RYR2: variants seen among roughly 807,000 people sequenced by gnomAD.
RYR2 encodes ryanodine receptor 2.
RYR2 carries 227 observed loss-of-function variants against 601.1 expected under a neutral mutation model. The observed-to-expected ratio is 0.38, with a 90% confidence interval of 0.34 to 0.42. The LOEUF is 0.42. RYR2 is among the 10% of genes least tolerant of loss of function. RYR2 has a pLI of 1.00. For synonymous variants in RYR2, 2,223 were observed against 2,175.1 expected, an observed-to-expected ratio of 1.02 and a Z score of -0.61; for missense variants, 4,646 against 6,156.5, an observed-to-expected ratio of 0.75 and a Z score of 8.21.
intron 3 of RYR2, among the ~76,000 whole-genome samples, chr1:237,355,253 T>G (rs1462730911): frequency 6.6e-6 from 1 of 152,130 alleles, no homozygotes; most frequent in East Asian, 1.9e-4. Flanking sequence ...TCTCTCAATG[T>G]TGAAATTTTT....
chr1:237,625,763 A>G lies in RYR2; in HGVS notation c.6125A>G (p.Lys2042Arg). ...LVEKVTYLKK[K>R]QAEKPVESDS... The stretch of plus-strand genomic sequence containing the variant: ...GAAAAGGTGACATATCTGAAGAAGA[A>G]GCAAGCAGAAAAACCAGTTGAGAGT... The change falls in exon 40 of 105, where the codon AAG becomes AGG. Residue 2042 changes from lysine (K) to arginine (R), a missense_variant. By Grantham distance (26) the Lys-to-Arg change is conservative. Around this residue, in one of 17 missense-constraint regions of RYR2, gnomAD observed 170 missense variants for 184.5 expected, o/e 0.92. Transcript: ENST00000366574. The G allele has an allele frequency of 1.2e-6, 2 of 1,613,844 alleles. No individual in the cohort carries two copies. The highest frequency in any genetic ancestry group is 1.7e-6 in the Non-Finnish European group (2 of 1,179,842).
chr1:237,655,590 A>C (rs1277745206), intron 52 of RYR2, among the ~76,000 whole-genome samples: 1 of 152,192 alleles, frequency 6.6e-6, no homozygotes, highest in Non-Finnish European at 1.5e-5. Context: ...TGGAGAGTCA[A>C]AGATTTTATT....
chr1:237,754,986 G>A (rs1692824961), intron 80 of RYR2: 3 of 881,958 alleles, frequency 3.4e-6, no homozygotes, highest in Non-Finnish European at 4.6e-6. Flanking sequence ...CATAATTTAA[G>A]AAAACATAAA....
intron 1 of RYR2, among the ~76,000 whole-genome samples, chr1:237,269,820 T>C (rs1449637620): frequency 6.6e-6 from 1 of 152,228 alleles, no homozygotes; most frequent in African/African-American, 2.4e-5. Context: ...CTGCCTGTAT[T>C]GAGTCATTCT....
chr1:237,306,949 A>G (rs1166138913), intron 2 of RYR2, among the ~76,000 whole-genome samples: 1 of 152,338 alleles, frequency 6.6e-6, no homozygotes, highest in Admixed American at 6.5e-5. Flanking sequence ...TTTAATTAGT[A>G]GAAAGCTGAT....
chr1:237,321,995 A>G (rs1472866154), intron 2 of RYR2, among the ~76,000 whole-genome samples: 2 of 152,172 alleles, frequency 1.3e-5, no homozygotes, highest in Non-Finnish European at 2.9e-5. Flanking sequence ...CTTCTACTCA[A>G]AGTGTATGCT....
In RYR2 at chr1:237,500,965, C is replaced by T. The variant is rs568170035; in HGVS notation, c.2396+62C>T. 20 of 1,423,408 alleles carry T rather than the reference C, an allele frequency of 1.4e-5. No homozygotes were observed. In the African/African-American group the frequency reaches 2.4e-4, roughly 17 times the overall value. 88.2% of individuals were successfully genotyped at this position (1,423,408 alleles called of 1,614,324 possible). A position where few individuals can be genotyped will look rare whatever the true frequency, so the allele number is the denominator to read the frequency against. ...TCATTTCTCATACCTCCACAGAAGA[C>T]TCTGCACTGCCATTGCCCTTCTTCT... On this transcript the variant is annotated intron_variant, in intron 21 of 104. Coordinates refer to ENST00000366574, the MANE Select transcript of RYR2 (RefSeq NM_001035.3).
chr1:237,139,621 T>A (rs978481618), intron 1 of RYR2, among the ~76,000 whole-genome samples: 1 of 152,216 alleles, frequency 6.6e-6, no homozygotes, highest in African/African-American at 2.4e-5. Context: ...GAAGATACCA[T>A]GACAATATCT....
At chr1:237,442,227 T>C (rs532407136) in intron 13 of RYR2, among the ~76,000 whole-genome samples, 2 of 152,318 alleles carry the variant, frequency 1.3e-5, no homozygotes, top group East Asian at 1.9e-4. Context: ...AGAGGTTGAT[T>C]TGGCTTTAAA....
intron 1 of RYR2, among the ~76,000 whole-genome samples, chr1:237,208,888 G>T (rs1682120414): frequency 7.3e-6 from 1 of 137,568 alleles, no homozygotes; most frequent in Admixed American, 7.8e-5. Context: ...ATGACCCCTG[G>T]TAACTACCCT....
chr1:237,563,477 T>C (rs1337419913), intron 27 of RYR2, among the ~76,000 whole-genome samples: 6 of 37,886 alleles, frequency 1.6e-4, no homozygotes, highest in Non-Finnish European at 1.0e-4. Context: ...GAAGAGTCCT[T>C]TTTTTTTTGT....
intron 13 of RYR2, among the ~76,000 whole-genome samples, chr1:237,442,394 T>G (rs2150152005): frequency 6.6e-6 from 1 of 152,250 alleles, no homozygotes; most frequent in African/African-American, 2.4e-5. Context: ...TACCCTTGAA[T>G]TAGAGTCAAC....
intron 1 of RYR2, among the ~76,000 whole-genome samples, chr1:237,269,314 A>C (rs955796098): frequency 6.6e-6 from 1 of 151,482 alleles, no homozygotes; most frequent in African/African-American, 2.4e-5. Context: ...AAGTGCTGGG[A>C]TTATAGGTGT....
At chr1:237,373,894 A>G (rs957704336) in intron 6 of RYR2, among the ~76,000 whole-genome samples, 1 of 152,220 alleles carries the variant, frequency 6.6e-6, no homozygotes, top group Non-Finnish European at 1.5e-5. Context: ...ATAGTCTTCA[A>G]ATTTGTTTGG....
At chr1:237,366,700 ACACACACACT>A (rs1700225929) in intron 5 of RYR2, among the ~76,000 whole-genome samples, 1 of 135,362 alleles carries the variant, frequency 7.4e-6, no homozygotes, top group Non-Finnish European at 1.6e-5. Flanking sequence ...ACACACACAC[ACACACACACT>A]GTATATATAT....
chr1:237,209,600 C>T (rs981821193), intron 1 of RYR2, among the ~76,000 whole-genome samples: 1 of 151,536 alleles, frequency 6.6e-6, no homozygotes, highest in South Asian at 2.1e-4. Context: ...TGCCTGTAAT[C>T]CCAGCACATT....
At chr1:237,079,714 TA>T (rs1199683519) in intron 1 of RYR2, among the ~76,000 whole-genome samples, 1 of 139,812 alleles carries the variant, frequency 7.2e-6, no homozygotes, top group East Asian at 2.0e-4. Context: ...CAAGGTAATT[TA>T]CAGATTCAAT....
intron 1 of RYR2, among the ~76,000 whole-genome samples, chr1:237,143,827 A>G (rs996341531): frequency 3.3e-5 from 5 of 152,090 alleles, no homozygotes; most frequent in African/African-American, 9.7e-5. Flanking sequence ...CCAGTAAACT[A>G]CTCTGTAAAG....
chr1:237,614,015 C>T lies in RYR2; in HGVS notation c.4911-24C>T. On this transcript the variant is annotated intron_variant, in intron 36 of 104. Transcript: ENST00000366574. This position sits in a 1 kb window ranked among gnomAD's most constrained non-coding sequence, Gnocchi z 4.3. ...AAAAAATCATTCATTTCTAATCTTA[C>T]TACCACTCTCCTCCCTTCTACAGAT... 5 of 1,588,706 alleles carry T rather than the reference C, an allele frequency of 3.1e-6. No individual in the cohort carries two copies. Among genetic ancestry groups the T allele is most frequent in the South Asian group, 2.2e-5 (2 of 88,918 alleles).
Sources: allele counts gnomAD v4.1 joint callset (sites outside exome capture counted in the v4.1 genomes callset), GRCh38; gene constraint gnomAD v4.1.1; regional missense constraint gnomAD v4.1.1; non-coding constraint Gnocchi (gnomAD v3.1); transcripts MANE v1.5; gene names NCBI Gene and HGNC (gene_info 2026-07-23, HGNC 2026-07-21).